The following MYH3 variants were observed in gnomAD, a reference collection of about 807,000 sequenced individuals.
MYH3 encodes myosin-3.
MYH3 carries 130 observed loss-of-function variants against 238.0 expected under a neutral mutation model. The observed-to-expected ratio is 0.55, with a 90% CI of 0.47 to 0.63. The LOEUF (loss-of-function observed/expected upper bound fraction) is 0.63, where lower values mean the gene tolerates loss of function less well. MYH3 is among the 30% of genes least tolerant of loss of function. The pLI, the probability that MYH3 is intolerant of heterozygous loss-of-function variation, is 0.00. For synonymous variants in MYH3, 880 were observed against 924.1 expected (o/e 0.95, Z 0.86); for missense variants, 1,853 against 2,374.9 (o/e 0.78, Z 4.57).
chr17:10,653,183 G>A (rs918074425), intron 3 of MYH3, among the ~76,000 whole-genome samples: 4 of 152,270 alleles, frequency 2.6e-5, no homozygotes, highest in Non-Finnish European at 5.9e-5. Context: ...TGGTGGCTGG[G>A]AACGGGGCCA....
intron 6 of MYH3, 79 bp from the exon 7 acceptor site, chr17:10,649,764 C>A: frequency 7.7e-7 from 1 of 1,292,298 alleles, no homozygotes; most frequent in Non-Finnish European, 1.1e-6. Flanking sequence ...CATACTGAGG[C>A]CTGGGCATGG....
At position 10,638,212 on chromosome 17, in the gene MYH3, T is replaced by C. The variant is rs2074234021; in HGVS notation, c.3560A>G (p.Glu1187Gly). The C allele has an allele frequency of 6.2e-7, 1 of 1,613,882 alleles. No homozygotes were observed. Among genetic ancestry groups the C allele is most frequent in the Non-Finnish European group, 8.5e-7 (1 of 1,179,974 alleles). Residue 1187 changes from glutamate (E) to glycine (G), a missense_variant, in exon 27 of 41, where the codon GAA (glutamate) becomes GGA (glycine). Glu to Gly is a moderately conservative substitution (Grantham distance 98). Coordinates refer to ENST00000583535, the MANE Select transcript of MYH3 (RefSeq NM_002470.4). Reference protein sequence around the residue: ...RDLEEATLQHEAMVAALRKKH... With the variant: ...RDLEEATLQHGAMVAALRKKH... Reference sequence around the variant, plus strand: ...CTTCCTCAGCGCGGCCACCATGGCTTCGTGCTGCAGTGTGGCCTCCTCCAG... The same window carrying C: ...CTTCCTCAGCGCGGCCACCATGGCTCCGTGCTGCAGTGTGGCCTCCTCCAG...
At chr17:10,646,189 C>T (rs776688218) in intron 10 of MYH3, among the ~76,000 whole-genome samples, 157 bp from the exon 11 acceptor site, 11 of 152,138 alleles carry the variant, frequency 7.2e-5, no homozygotes, top group Non-Finnish European at 1.3e-4. Context: ...AATACTCAGG[C>T]TGTCATGGAA....
At position 10,645,941 on chromosome 17, in the gene MYH3, C is replaced by T; in HGVS notation, c.990G>A (p.Leu330=). The change falls in exon 11 of 41, where the codon CTG becomes CTA. Residue 330 remains leucine, a synonymous_variant. Coordinates refer to ENST00000583535, the MANE Select transcript of MYH3 (RefSeq NM_002470.4). ...TGGTTCCACTTACGTCTGTAGCCAG[C>T]AGCTCCTCTGCATCATCTATGCTGG... ...LVASIDDAEE[L]LATDSAIDIL... 1 of 1,614,002 alleles carries T rather than the reference C, an allele frequency of 6.2e-7. No individual in the cohort carries two copies. Among genetic ancestry groups the T allele is most frequent in the South Asian group, 1.1e-5 (1 of 91,078 alleles).
Position 10,628,687 on chromosome 17 carries a change from G to C in MYH3, c.5797-8C>G. ...ACTCTCGTGGACCACCATCTAGGAA[G>C]AAAGTAGGCACCTGGAGTCAAGTCG... On this transcript the variant is annotated splice_polypyrimidine_tract_variant and splice_region_variant and intron_variant, in intron 40 of 40. Transcript: ENST00000583535. 6.2e-7 allele frequency: 1 copy of C among 1,614,202 alleles called. No individual in the cohort carries two copies. The highest frequency in any genetic ancestry group is 2.2e-5 in the East Asian group (1 of 44,886).
intron 28 of MYH3, among the ~76,000 whole-genome samples, chr17:10,636,565 G>A (rs890363762): frequency 7.9e-5 from 12 of 152,190 alleles, no homozygotes; most frequent in African/African-American, 2.7e-4. Context: ...AGAGGTAAGA[G>A]AAAAACATAG....
intron 12 of MYH3, among the ~76,000 whole-genome samples, chr17:10,645,034 G>A (rs949451662): frequency 3.1e-5 from 4 of 127,398 alleles, no homozygotes; most frequent in Non-Finnish European, 3.5e-5. Flanking sequence ...AGGATTAATC[G>A]CTTCCATCCA....
At chr17:10,634,240 A>G in intron 31 of MYH3, 58 bp from the exon 32 acceptor site, 1 of 1,590,084 alleles carries the variant, frequency 6.3e-7, no homozygotes, top group Non-Finnish European at 8.6e-7. Flanking sequence ...GTTTCTAACA[A>G]AATACTAAAT....
upstream of MYH3, among the ~76,000 whole-genome samples, chr17:10,660,519 C>CA (rs552941648): frequency 5.7e-3 from 844 of 148,664 alleles, 5 homozygotes; most frequent in African/African-American, 0.019. Context: ...ACTAAAAATA[C>CA]AAAAAAAATT....
chr17:10,669,285 G>C, the MYH3 span, among the ~76,000 whole-genome samples: 1 of 152,132 alleles, frequency 6.6e-6, no homozygotes, highest in Non-Finnish European at 1.5e-5. Context: ...GGGTGCGGTG[G>C]CTCACACCTG....
At chr17:10,629,495 TGA>T in intron 40 of MYH3, 100 bp downstream of exon 40, 1 of 1,492,976 alleles carries the variant, frequency 6.7e-7, no homozygotes, top group Non-Finnish European at 9.2e-7. Context: ...TTCCTGAGCC[TGA>T]GACTCCCCAG....
the MYH3 span, among the ~76,000 whole-genome samples, chr17:10,664,923 G>A: frequency 6.6e-6 from 1 of 152,104 alleles, no homozygotes; most frequent in Non-Finnish European, 1.5e-5. Flanking sequence ...GGATGGGCCT[G>A]AACAATGACA....
chr17:10,642,946 T>C lies in MYH3; in HGVS notation c.1461A>G (p.Gln487=), dbSNP rs1198361975. 3.1e-6 allele frequency: 5 copies of C among 1,614,078 alleles called. No homozygotes were observed. The highest frequency in any genetic ancestry group is 2.2e-5 in the East Asian group (1 of 44,900). The change falls in exon 15 of 41, where the codon CAA becomes CAG. Residue 487 remains glutamine, a synonymous_variant. Coordinates refer to ENST00000583535, the MANE Select transcript of MYH3 (RefSeq NM_002470.4). The surrounding 1 kb of genome is among the most constrained non-coding windows in gnomAD (Gnocchi z 5.4). The part of the protein sequence containing the change: ...LCINFTNEKL[Q]QFFNHHMFVL... ...CGAACATGTGGTGGTTGAAAAACTGTTGCAGTTTCTCATTGGTGAAGTTGA... is the reference window on the plus strand; with the variant it reads ...CGAACATGTGGTGGTTGAAAAACTGCTGCAGTTTCTCATTGGTGAAGTTGA...
At chr17:10,669,414 A>G in the MYH3 span, among the ~76,000 whole-genome samples, 4 of 151,974 alleles carry the variant, frequency 2.6e-5, no homozygotes, top group Admixed American at 6.6e-5. Context: ...TTAGCCAGGC[A>G]TGGTGGCTGG....
At chr17:10,651,168 T>C (rs1207095056) in intron 5 of MYH3, among the ~76,000 whole-genome samples, 2 of 113,642 alleles carry the variant, frequency 1.8e-5, no homozygotes, top group Non-Finnish European at 3.4e-5. Context: ...CTGGGCAACA[T>C]AGCAAGACTC....
chr17:10,657,058 C>G (rs1211633962), intron 1 of MYH3, among the ~76,000 whole-genome samples: 3 of 152,066 alleles, frequency 2.0e-5, no homozygotes, highest in Non-Finnish European at 4.4e-5. Flanking sequence ...GGAGAGAGAA[C>G]CTGCAGGGCT....
rs1309980595 is a variant in MYH3, at chr17:10,654,473, T to C, written c.204+388A>G. ...CATTTTCCTTACTTCCTTGGTTAGATGGCCATTGATAGAATAATTTGGGAC... is the reference window on the plus strand; with the variant it reads ...CATTTTCCTTACTTCCTTGGTTAGACGGCCATTGATAGAATAATTTGGGAC... On this transcript the variant is annotated intron_variant, in intron 3 of 40. Coordinates refer to ENST00000583535, the MANE Select transcript of MYH3 (RefSeq NM_002470.4). The surrounding 1 kb of genome is among the most constrained non-coding windows in gnomAD (Gnocchi z 4.5). 2.0e-5 allele frequency among the ~76,000 whole-genome samples: 3 copies of C among 152,214 alleles called. No homozygotes were observed. The highest frequency in any genetic ancestry group is 4.4e-5 in the Non-Finnish European group (3 of 68,042).
chr17:10,641,790 A>G (rs2074275359), intron 17 of MYH3, among the ~76,000 whole-genome samples: 1 of 152,202 alleles, frequency 6.6e-6, no homozygotes, highest in Non-Finnish European at 1.5e-5. Context: ...CTGGGATTAC[A>G]GGAGTGAGCC....
chr17:10,633,845 T>G, intron 32 of MYH3, 130 bp from the exon 33 acceptor site: 1 of 1,496,794 alleles, frequency 6.7e-7, no homozygotes, highest in Admixed American at 1.7e-5. Context: ...AGAGATAAGA[T>G]ATTGTACAGA....
Sources: allele counts gnomAD v4.1 joint callset (sites outside exome capture counted in the v4.1 genomes callset), GRCh38; gene constraint gnomAD v4.1.1; non-coding constraint Gnocchi (gnomAD v3.1); transcripts MANE v1.5; gene names NCBI Gene and HGNC (gene_info 2026-07-23, HGNC 2026-07-21).